MAP4K4: variants seen among roughly 807,000 people sequenced by gnomAD.
MAP4K4 encodes the protein mitogen-activated protein kinase kinase kinase kinase 4.
Under a neutral mutation model 189.6 loss-of-function variants are expected in MAP4K4, and 38 were observed. That is an observed-to-expected ratio of 0.20 (90% CI 0.15 to 0.26). The LOEUF is 0.26. Among genes scored for constraint, MAP4K4 ranks in the 10% least tolerant of loss-of-function variants. MAP4K4 has a pLI of 1.00. For synonymous variants in MAP4K4, 610 were observed against 624.3 expected, an observed-to-expected ratio of 0.98 and a Z score of 0.34; for missense variants, 1,054 against 1,726.9, an observed-to-expected ratio of 0.61 and a Z score of 6.91.
At chr2:101,737,461 A>ATTTTTTTTTTTT (rs1173208424) in intron 2 of MAP4K4, among the ~76,000 whole-genome samples, 1 of 26,004 alleles carries the variant, frequency 3.8e-5, no homozygotes, top group African/African-American at 1.5e-4. Flanking sequence ...ATATATATAT[A>ATTTTTTTTTTTT]TTTTTTTTTT....
intron 11 of MAP4K4, 22 bp downstream of exon 11, chr2:101,842,703 A>C: frequency 6.3e-7 from 1 of 1,587,118 alleles, no homozygotes; most frequent in Non-Finnish European, 8.6e-7. Context: ...GCCACTGTTC[A>C]GTATCCTGCT....
At chr2:101,870,170 T>A (rs1478857915) in intron 22 of MAP4K4, 125 bp from the exon 23 acceptor site, 2 of 994,304 alleles carry the variant, frequency 2.0e-6, no homozygotes, top group Non-Finnish European at 2.9e-6. Flanking sequence ...CAGTTGCTTT[T>A]TTGGAGGAGG....
intron 2 of MAP4K4, among the ~76,000 whole-genome samples, chr2:101,708,730 T>C (rs2043769612): frequency 6.6e-6 from 1 of 152,226 alleles, no homozygotes; most frequent in Admixed American, 6.5e-5. Context: ...TGGAACACTT[T>C]GATCATGCCA....
intron 12 of MAP4K4, among the ~76,000 whole-genome samples, chr2:101,848,591 C>G (rs945040025): frequency 6.6e-6 from 1 of 152,184 alleles, no homozygotes; most frequent in African/African-American, 2.4e-5. Flanking sequence ...GCAGATGCCA[C>G]AAAACCAGGC....
intron 16 of MAP4K4, 111 bp from the exon 17 acceptor site, chr2:101,863,710 C>T: frequency 5.0e-6 from 3 of 599,344 alleles, no homozygotes; most frequent in South Asian, 4.6e-5. Context: ...CACTGTACCA[C>T]CCCGGTGTGT....
At chr2:101,834,453 A>C in exon 8 of MAP4K4, 1 of 1,609,414 alleles carries the variant, frequency 6.2e-7, no homozygotes, top group Non-Finnish European at 8.5e-7. Flanking sequence ...AGATGGCAGA[A>C]GGTGCTCCCC....
intron 2 of MAP4K4, among the ~76,000 whole-genome samples, chr2:101,714,536 T>A (rs1301553714): frequency 6.6e-6 from 1 of 152,204 alleles, no homozygotes; most frequent in Non-Finnish European, 1.5e-5. Flanking sequence ...ATAATTTTAC[T>A]TTCTCCAAAT....
At chr2:101,861,713 A>C (rs913182122) in intron 16 of MAP4K4, 1 of 152,202 alleles carries the variant, frequency 6.6e-6, no homozygotes, top group Admixed American at 6.5e-5. Flanking sequence ...AGCAACGAAG[A>C]TCATGGCTAA....
chr2:101,720,544 T>G (rs947125679), intron 2 of MAP4K4, among the ~76,000 whole-genome samples: 5 of 152,006 alleles, frequency 3.3e-5, no homozygotes, highest in African/African-American at 1.2e-4. Context: ...ACTGACTGGC[T>G]AAAAGATCTG....
chr2:101,783,233 T>A (rs2088695336), intron 2 of MAP4K4, among the ~76,000 whole-genome samples: 2 of 152,000 alleles, frequency 1.3e-5, no homozygotes, highest in African/African-American at 4.8e-5. Flanking sequence ...GGCTTGCCTG[T>A]CCTTTCAATT....
At chr2:101,797,264 A>C (rs1434534663) in intron 3 of MAP4K4, 1 of 1,290,698 alleles carries the variant, frequency 7.7e-7, no homozygotes, top group Non-Finnish European at 1.0e-6. Flanking sequence ...GGCCAGCTAA[A>C]TGCTACAGGC....
At chr2:101,769,202 A>G (rs1278162561) in intron 2 of MAP4K4, among the ~76,000 whole-genome samples, 1 of 152,126 alleles carries the variant, frequency 6.6e-6, no homozygotes, top group Non-Finnish European at 1.5e-5. Context: ...CTGATTCATT[A>G]TTGTGGTCTC....
chr2:101,812,463 C>G (rs546816534), intron 3 of MAP4K4, among the ~76,000 whole-genome samples: 2 of 152,160 alleles, frequency 1.3e-5, no homozygotes, highest in African/African-American at 4.8e-5. Flanking sequence ...AGCACGCGTG[C>G]GTGTCCCTGG....
rs576914757 is a variant in MAP4K4, at chr2:101,857,690, T to C, written c.1396-1306T>C. On this transcript the variant is annotated intron_variant, in intron 13 of 32. Transcript: ENST00000324219. ...GAACCAGATATGTTTGTCAGTAGCC[T>C]TCTGACTAAGTCCGCCCCACCCCTC... Among the ~76,000 whole-genome samples the C allele has an allele frequency of 2.0e-5, 3 of 152,302 alleles. No individual in the cohort carries two copies. The South Asian group carries it at 6.2e-4, about 32-fold the overall frequency.
intron 2 of MAP4K4, among the ~76,000 whole-genome samples, chr2:101,732,398 A>G (rs2058830472): frequency 6.6e-6 from 1 of 152,140 alleles, no homozygotes. Context: ...TAATGTTTAA[A>G]GTTTTAGCTG....
At chr2:101,763,655 C>T (rs1323822812) in intron 2 of MAP4K4, among the ~76,000 whole-genome samples, 1 of 152,236 alleles carries the variant, frequency 6.6e-6, no homozygotes, top group African/African-American at 2.4e-5. Flanking sequence ...GGAGTGCTGG[C>T]ACAGAAGGCC....
intron 2 of MAP4K4, among the ~76,000 whole-genome samples, chr2:101,751,297 C>T (rs1025743279): frequency 3.9e-5 from 6 of 152,108 alleles, no homozygotes; most frequent in South Asian, 2.1e-4. Flanking sequence ...ACTAGGATAC[C>T]GCCTTTGTAG....
intron 3 of MAP4K4, among the ~76,000 whole-genome samples, chr2:101,823,447 T>C (rs926721149): frequency 1.3e-5 from 2 of 152,248 alleles, no homozygotes; most frequent in Non-Finnish European, 2.9e-5. Context: ...TTGCCTTGGC[T>C]TCACTAGAGG....
exon 15 of MAP4K4, chr2:101,859,836 A>T (rs1435165510): frequency 1.2e-6 from 2 of 1,609,076 alleles, no homozygotes; most frequent in Non-Finnish European, 8.5e-7. Context: ...CCCAAAGCCC[A>T]CTACGAGCCT....
Sources: gnomAD v4.1 joint callset for allele counts (sites outside exome capture counted in the v4.1 genomes callset) on GRCh38, gnomAD v4.1.1 for gene constraint, MANE v1.5 for transcripts, NCBI Gene and HGNC (gene_info 2026-07-23, HGNC 2026-07-21) for gene names.